SKA1: variants seen among roughly 807,000 people sequenced by gnomAD.
The protein encoded by SKA1 is spindle and kinetochore associated complex subunit 1, also known as SKA complex subunit 1.
A neutral mutation model predicts 31.8 loss-of-function variants in SKA1; 20 were observed. That is an observed-to-expected ratio of 0.63 (90% CI 0.44 to 0.91). The LOEUF is 0.91. Among genes scored for constraint, SKA1 ranks in the 40% least tolerant of loss-of-function variants. SKA1 has a pLI of 0.00. For synonymous variants in SKA1, 88 were observed against 100.5 expected, an observed-to-expected ratio of 0.88 and a Z score of 0.74; for missense variants, 253 against 298.2, an observed-to-expected ratio of 0.85 and a Z score of 1.12.
rs2041251854 is a variant in SKA1 at position 50,380,139 on chromosome 18, C to T, written c.102C>T (p.Thr34=). Residue 34 remains threonine (T), a synonymous_variant, in exon 3 of 7, where the codon ACC becomes ACT. Transcript: ENST00000285116. ...TGTTTATAACAGGCCAGGAACCTAC[C>T]TTGAAAACTGTATTAAATAAAATAG... ...LSLRNCGQEP[T]LKTVLNKIGD... 1.3e-6 allele frequency: 2 copies of T among 1,532,296 alleles called. No homozygotes were observed. Among genetic ancestry groups the T allele is most frequent in the Non-Finnish European group, 1.7e-6 (2 of 1,149,402 alleles). 94.9% of individuals were successfully genotyped at this position (1,532,296 alleles called of 1,614,324 possible). A position where few individuals can be genotyped will look rare whatever the true frequency, so the allele number is the denominator to read the frequency against.
Position 50,392,302 on chromosome 18 carries a change from C to T in SKA1, c.*55C>T. ...AGGGTATAGAGTATAGAGGCTATTT[C>T]TATAATTTTCTTATATATAATTTTT... On this transcript the variant is annotated 3_prime_UTR_variant, in exon 7 of 7. Coordinates refer to ENST00000285116, the MANE Select transcript of SKA1 (RefSeq NM_145060.4). The T allele has an allele frequency of 9.3e-7, 1 of 1,072,380 alleles. No individual in the cohort carries two copies. Among genetic ancestry groups the T allele is most frequent in the Non-Finnish European group, 1.2e-6 (1 of 809,468 alleles). 66.4% of individuals were successfully genotyped at this position (1,072,380 alleles called of 1,614,324 possible). A position where few individuals can be genotyped will look rare whatever the true frequency, so the allele number is the denominator to read the frequency against.
Position 50,385,339 on chromosome 18 carries a change from C to T in SKA1, c.435C>T (p.Phe145=). 2.5e-6 allele frequency: 4 copies of T among 1,608,526 alleles called. No individual in the cohort carries two copies. Among genetic ancestry groups the T allele is most frequent in the South Asian group, 1.1e-5 (1 of 89,550 alleles). ...TGCCATTTATAACTTGTGATGAGTT[C>T]AATGGTGTTCCTTCGTAAGTATTTA... ...KEMPFITCDE[F]NGVPSYMKSR... The change falls in exon 5 of 7, where the codon TTC becomes TTT. Residue 145 remains phenylalanine (F), a synonymous_variant. Transcript: ENST00000285116.
rs1349671355 is a variant in SKA1, at chr18:50,387,567, C to T, written c.449+2214C>T. Among the ~76,000 whole-genome samples the T allele has an allele frequency of 2.0e-5, 3 of 152,072 alleles. No homozygotes were observed. The East Asian group carries it at 5.8e-4, about 29-fold the overall frequency. On this transcript the variant is annotated intron_variant, in intron 5 of 6. Coordinates refer to ENST00000285116, the MANE Select transcript of SKA1 (RefSeq NM_145060.4). ...CTGTTCTTTTTTGTATTTCTCTTTG[C>T]ATTTTAGTTTGGGAAGTATCTATTG...
intron 4 of SKA1, among the ~76,000 whole-genome samples, chr18:50,384,680 G>A (rs1340551291): frequency 4.1e-5 from 5 of 122,684 alleles, no homozygotes; most frequent in Admixed American, 4.0e-4. Flanking sequence ...CACAGGAAGG[G>A]GAATATCACA....
rs1280742441 is a variant in SKA1 at position 50,378,656 on chromosome 18, CAG to C, written c.89-1466_89-1465del. 3.5e-5 allele frequency among the ~76,000 whole-genome samples: 4 copies of C among 112,972 alleles called. No individual in the cohort carries two copies. The East Asian group carries it at 1.2e-3, about 35-fold the overall frequency. 74.1% of individuals were successfully genotyped at this position (112,972 alleles called of 152,430 possible). ...TGCCACTGAACTCCAGCCTGGGTGA[CAG>C]AGAAAGACCCTGTCTCAAAAAAAAA... is the stretch of plus-strand genomic sequence containing the variant. On this transcript the variant is annotated intron_variant, in intron 2 of 6. Coordinates refer to ENST00000285116, the MANE Select transcript of SKA1 (RefSeq NM_145060.4).
chr18:50,385,739 T>C (rs2041302073), intron 5 of SKA1, among the ~76,000 whole-genome samples: 1 of 151,714 alleles, frequency 6.6e-6, no homozygotes, highest in African/African-American at 2.4e-5. Flanking sequence ...CGCACTTGTT[T>C]GAGCCTGTGC....
intron 3 of SKA1, among the ~76,000 whole-genome samples, 198 bp from the exon 4 acceptor site, chr18:50,381,931 T>C (rs1291379158): frequency 6.6e-5 from 10 of 152,130 alleles, no homozygotes; most frequent in Non-Finnish European, 7.4e-5. Context: ...TTCACAGTGT[T>C]AGTGGGGATG....
chr18:50,375,296 CTGGAGGCTGGGT>C (rs2041205054), intron 1 of SKA1, 102 bp downstream of exon 1: 2 of 152,424 alleles, frequency 1.3e-5, no homozygotes, highest in Non-Finnish European at 1.5e-5. Flanking sequence ...GAGGACGGGG[CTGGAGGCTGGGT>C]TGGATGCTTT....
At chr18:50,375,997 G>T in intron 2 of SKA1, 79 bp downstream of exon 2, 1 of 864,644 alleles carries the variant, frequency 1.2e-6, no homozygotes, top group Non-Finnish European at 1.8e-6. Flanking sequence ...ATCTTTGCTT[G>T]GTTAAGTGAC....
intron 5 of SKA1, 152 bp downstream of exon 5, chr18:50,385,505 T>G: frequency 1.5e-6 from 1 of 678,412 alleles, no homozygotes; most frequent in Middle Eastern, 4.3e-4. Flanking sequence ...TGCAGTAAAT[T>G]TTTTGAAGAT....
chr18:50,376,969 G>A (rs2041222405), intron 2 of SKA1, among the ~76,000 whole-genome samples: 1 of 152,006 alleles, frequency 6.6e-6, no homozygotes, highest in Admixed American at 6.5e-5. Flanking sequence ...CACACATGGA[G>A]CAGTCATCTG....
intron 2 of SKA1, among the ~76,000 whole-genome samples, chr18:50,378,536 G>A (rs1408528276): frequency 1.3e-5 from 2 of 152,106 alleles, no homozygotes; most frequent in African/African-American, 4.8e-5. Context: ...TGAGCCAGGT[G>A]TGGTGGCGTT....
At chr18:50,384,531 T>C (rs1002222025) in intron 4 of SKA1, among the ~76,000 whole-genome samples, 7 of 152,014 alleles carry the variant, frequency 4.6e-5, no homozygotes, top group African/African-American at 1.7e-4. Flanking sequence ...GACTCCGCAA[T>C]ACACAGGGAC....
intron 4 of SKA1, among the ~76,000 whole-genome samples, chr18:50,384,561 G>T (rs928350556): frequency 2.0e-5 from 3 of 152,028 alleles, no homozygotes; most frequent in Non-Finnish European, 4.4e-5. Context: ...CAACCATCAG[G>T]ATAAATTAGA....
At chr18:50,381,679 G>A (rs769075143) in intron 3 of SKA1, among the ~76,000 whole-genome samples, 44 of 147,964 alleles carry the variant, frequency 3.0e-4, no homozygotes, top group Non-Finnish European at 5.3e-4. Context: ...TGGATTCATT[G>A]CTTTTTCACT....
chr18:50,392,007 G>A (rs566030979), intron 6 of SKA1, 92 bp from the exon 7 acceptor site: 7 of 954,878 alleles, frequency 7.3e-6, no homozygotes, highest in African/African-American at 5.0e-5. Flanking sequence ...CAGTAAAAAC[G>A]ACTAATACCA....
chr18:50,382,312 C>T, intron 4 of SKA1, 86 bp downstream of exon 4: 1 of 781,704 alleles, frequency 1.3e-6, no homozygotes, highest in Non-Finnish European at 1.9e-6. Flanking sequence ...CTTTCATATA[C>T]TTGCAGTTTT....
rs770678507 is a variant in SKA1 at position 50,385,342 on chromosome 18, T to C, written c.438T>C (p.Asn146=). The C allele has an allele frequency of 6.2e-7, 1 of 1,607,594 alleles. No homozygotes were observed. The highest frequency in any genetic ancestry group is 8.5e-7 in the Non-Finnish European group (1 of 1,177,502). ...CATTTATAACTTGTGATGAGTTCAA[T>C]GGTGTTCCTTCGTAAGTATTTAAGA... ...EMPFITCDEF[N]GVPSYMKSRL... The change falls in exon 5 of 7, where the codon AAT becomes AAC. Residue 146 remains asparagine (N), a synonymous_variant. Transcript: ENST00000285116.
In SKA1 at chr18:50,392,346, TGTTTCC is replaced by T. The variant is rs1471762826; in HGVS notation, c.*100_*105del. 2.4e-6 allele frequency: 2 copies of T among 840,652 alleles called. No homozygotes were observed. The highest frequency in any genetic ancestry group is 3.7e-5 in the African/African-American group (2 of 53,426). The allele number at this position is 840,652 out of a possible 1,614,324, so 52.1% of individuals were successfully genotyped here. Reference sequence around the variant, plus strand: ...AATTTTTTTAACTTTTAATCTTTTTTGTTTCCTTTTTTTTTTTTTTGAGACAGGATC... The same window carrying T: ...AATTTTTTTAACTTTTAATCTTTTTTTTTTTTTTTTTTTTGAGACAGGATC... On this transcript the variant is annotated 3_prime_UTR_variant, in exon 7 of 7. Transcript: ENST00000285116.
Sources: gnomAD v4.1 joint callset for allele counts (sites outside exome capture counted in the v4.1 genomes callset) on GRCh38, gnomAD v4.1.1 for gene constraint, MANE v1.5 for transcripts, NCBI Gene and HGNC (gene_info 2026-07-23, HGNC 2026-07-21) for gene names.